Variants in APBB2 observed in about 807,000 individuals in gnomAD.
APBB2 encodes Fe65-like 1.
APBB2 carries 38 observed loss-of-function variants against 82.5 expected under a neutral mutation model. The ratio of observed to expected loss-of-function variants is 0.46; its 90% CI spans 0.36 to 0.60. APBB2 has a LOEUF of 0.60. Ranked by LOEUF, APBB2 falls within the 20% of genes least tolerant of loss-of-function variation. The pLI is 0.00. For synonymous variants in APBB2, 341 were observed against 368.2 expected (o/e 0.93, Z 0.85); for missense variants, 772 against 972.3 (o/e 0.79, Z 2.74).
intron 5 of APBB2, among the ~76,000 whole-genome samples, chr4:41,025,160 T>C (rs2154435230): frequency 6.6e-6 from 1 of 152,136 alleles, no homozygotes; most frequent in East Asian, 1.9e-4. Context: ...CCCACAACCC[T>C]ATAAGGAACT....
intron 6 of APBB2, among the ~76,000 whole-genome samples, chr4:40,991,100 A>G (rs1481637162): frequency 2.0e-5 from 3 of 146,938 alleles, no homozygotes; most frequent in African/African-American, 7.6e-5. Flanking sequence ...CTTTCGTCTC[A>G]GCCTCCTGAG....
chr4:41,043,866 G>C (rs1051959775), intron 4 of APBB2, among the ~76,000 whole-genome samples: 1 of 152,144 alleles, frequency 6.6e-6, no homozygotes, highest in Admixed American at 6.5e-5. Context: ...AGTCTGGGCT[G>C]TCTGAGTTAT....
intron 6 of APBB2, among the ~76,000 whole-genome samples, chr4:40,963,092 C>A (rs1793715261): frequency 1.3e-5 from 2 of 152,120 alleles, no homozygotes; most frequent in African/African-American, 4.8e-5. Context: ...TGATTTATAC[C>A]AGGTTTTTGT....
chr4:40,881,106 T>A, intron 12 of APBB2: 1 of 985,328 alleles, frequency 1.0e-6, no homozygotes, highest in Non-Finnish European at 1.2e-6. Context: ...TTTAAAGAGA[T>A]AAAATAGAAC....
At chr4:41,159,907 A>AAGGAGAAGGAGAAGGAGGAGGAGGAGG in intron 1 of APBB2, among the ~76,000 whole-genome samples, 1 of 35,612 alleles carries the variant, frequency 2.8e-5, no homozygotes, top group Non-Finnish European at 4.9e-5. Context: ...GAAGAAGGAG[A>AAGGAGAAGGAGAAGGAGGAGGAGGAGG]AGGAGGAGGA....
intron 10 of APBB2, among the ~76,000 whole-genome samples, chr4:40,932,882 G>A (rs1784556592): frequency 1.4e-5 from 2 of 140,972 alleles, no homozygotes; most frequent in South Asian, 2.1e-4. Flanking sequence ...GTTTTGTTTC[G>A]AGATGGAGTC....
intron 5 of APBB2, among the ~76,000 whole-genome samples, chr4:41,022,109 AC>A (rs777817836): frequency 6.6e-6 from 1 of 152,164 alleles, no homozygotes; most frequent in Non-Finnish European, 1.5e-5. Flanking sequence ...CCAAGAACCC[AC>A]CAGAAGGAAT....
intron 2 of APBB2, among the ~76,000 whole-genome samples, chr4:41,109,598 G>C (rs1301637675): frequency 6.6e-6 from 1 of 152,144 alleles, no homozygotes; most frequent in East Asian, 1.9e-4. Context: ...AGCCTCCCGA[G>C]TAGCCGGGAT....
Position 41,170,043 on chromosome 4 carries a change from G to C in APBB2, c.-416-26901C>G, listed in dbSNP as rs1365148871. 2.0e-5 allele frequency among the ~76,000 whole-genome samples: 3 copies of C among 152,024 alleles called. 1 individual carries two copies. Among genetic ancestry groups the C allele is most frequent in the Admixed American group, 2.0e-4 (3 of 15,276 alleles). ...GTTGGAGTGCATAGACCATAGCAGG[G>C]AATACCCCCTCTAAATAATCAGTTC... On this transcript the variant is annotated intron_variant, in intron 1 of 17. Coordinates refer to ENST00000508593, the MANE Select transcript of APBB2 (RefSeq NM_004307.2).
intron 6 of APBB2, among the ~76,000 whole-genome samples, chr4:40,975,855 C>CTGA (rs777090175): frequency 6.6e-6 from 1 of 151,618 alleles, no homozygotes; most frequent in Non-Finnish European, 1.5e-5. Context: ...AAATTCTCTA[C>CTGA]TGATTTCTTA....
intron 2 of APBB2, among the ~76,000 whole-genome samples, chr4:41,137,651 A>T (rs1462933521): frequency 6.6e-6 from 1 of 152,222 alleles, no homozygotes; most frequent in East Asian, 1.9e-4. Flanking sequence ...TGGTACTAGC[A>T]TAAGGACAGA....
At chr4:41,062,790 C>G (rs898139198) in intron 4 of APBB2, among the ~76,000 whole-genome samples, 2 of 152,144 alleles carry the variant, frequency 1.3e-5, no homozygotes, top group African/African-American at 4.8e-5. Flanking sequence ...ACAGGTAGCA[C>G]GTTTCTGGCA....
intron 10 of APBB2, among the ~76,000 whole-genome samples, chr4:40,928,944 A>C (rs1036789004): frequency 1.3e-5 from 2 of 149,188 alleles, no homozygotes; most frequent in African/African-American, 5.0e-5. Context: ...AGAGACTAAA[A>C]TGCAATATGG....
At chr4:41,174,054 G>A (rs12331383) in intron 1 of APBB2, among the ~76,000 whole-genome samples, 64,742 of 152,018 alleles carry the variant, frequency 0.43, 15,239 homozygotes, top group African/African-American at 0.64. Context: ...CACGATTCTC[G>A]TTTAAAATCA....
At chr4:40,875,195 G>A (rs1050828684) in intron 12 of APBB2, among the ~76,000 whole-genome samples, 2 of 152,218 alleles carry the variant, frequency 1.3e-5, no homozygotes, top group African/African-American at 4.8e-5. Flanking sequence ...AATCACTTGG[G>A]TTGCTGATTG....
intron 12 of APBB2, among the ~76,000 whole-genome samples, chr4:40,861,710 G>A (rs1762806001): frequency 6.6e-6 from 1 of 152,156 alleles, no homozygotes; most frequent in Admixed American, 6.5e-5. Flanking sequence ...CAGAAAGACA[G>A]GTTCAATTAT....
chr4:41,007,722 A>C (rs1024129355), intron 6 of APBB2, among the ~76,000 whole-genome samples: 2 of 152,222 alleles, frequency 1.3e-5, no homozygotes, highest in Admixed American at 6.5e-5. Flanking sequence ...AACATCAGAG[A>C]GCATGCATTA....
intron 6 of APBB2, among the ~76,000 whole-genome samples, chr4:40,986,961 T>C (rs1800566706): frequency 6.6e-6 from 1 of 151,854 alleles, no homozygotes; most frequent in Admixed American, 6.6e-5. Flanking sequence ...TTAAAGAGAG[T>C]GCTATTCTCA....
Position 40,815,486 on chromosome 4 carries a change from A to G in APBB2, c.*606T>C, listed in dbSNP as rs1260744955. On this transcript the variant is annotated 3_prime_UTR_variant, in exon 18 of 18. Transcript: ENST00000508593. ...TCCCACAAACAGCTGTAGACATGAAATGGTGTCCATGTGTCAAAGAGCTTG... is the reference window on the plus strand; with the variant it reads ...TCCCACAAACAGCTGTAGACATGAAGTGGTGTCCATGTGTCAAAGAGCTTG... 6.5e-5 allele frequency: 10 copies of G among 152,732 alleles called. No individual in the cohort carries two copies. Among genetic ancestry groups the G allele is most frequent in the Non-Finnish European group, 4.4e-5 (3 of 68,056 alleles). 9.5% of individuals were successfully genotyped at this position (152,732 alleles called of 1,614,324 possible). A position where few individuals can be genotyped will look rare whatever the true frequency, so the allele number is the denominator to read the frequency against.
Sources: gnomAD v4.1 joint callset for allele counts (sites outside exome capture counted in the v4.1 genomes callset) on GRCh38, gnomAD v4.1.1 for gene constraint, MANE v1.5 for transcripts, NCBI Gene and HGNC (gene_info 2026-07-23, HGNC 2026-07-21) for gene names.